The following ABCC11 variants were observed in gnomAD, a reference collection of about 807,000 sequenced individuals.
ABCC11 encodes ATP binding cassette subfamily C member 11, also known as ATP-binding cassette sub-family C member 11.
Under a neutral mutation model 149.3 loss-of-function variants are expected in ABCC11, and 135 were observed. That is an observed-to-expected ratio of 0.90 (90% CI 0.79 to 1.04). ABCC11 has a LOEUF of 1.04. Among genes scored for constraint, ABCC11 ranks in the 50% least tolerant of loss-of-function variants. ABCC11 has a pLI of 0.00. For synonymous variants in ABCC11, 665 were observed against 671.4 expected (o/e 0.99, Z 0.15); for missense variants, 1,680 against 1,722.1 (o/e 0.98, Z 0.43).
At chr16:48,209,890 T>C (rs1968773049) in intron 11 of ABCC11, 1 of 152,180 alleles carries the variant, frequency 6.6e-6, no homozygotes, top group African/African-American at 2.4e-5. Flanking sequence ...GTCTGCTGTA[T>C]GGTAGAAGGC....
chr16:48,231,684 AG>A (rs1163758922), intron 2 of ABCC11, 138 bp downstream of exon 2: 1 of 1,126,050 alleles, frequency 8.9e-7, no homozygotes, highest in African/African-American at 1.6e-5. Context: ...AAAGAGAGAG[AG>A]AGAGAGCAAA....
chr16:48,246,355 C>T (rs1194097980), intron 1 of ABCC11, among the ~76,000 whole-genome samples: 1 of 152,216 alleles, frequency 6.6e-6, no homozygotes, highest in African/African-American at 2.4e-5. Context: ...CTTCTGCTTA[C>T]TTTTCCCAAA....
At position 48,187,305 on chromosome 16, in the gene ABCC11, G is replaced by A. The variant is rs774785973; in HGVS notation, c.2829C>T (p.Val943=). The A allele has an allele frequency of 6.2e-7, 1 of 1,614,078 alleles. No individual in the cohort carries two copies. Among genetic ancestry groups the A allele is most frequent in the Non-Finnish European group, 8.5e-7 (1 of 1,180,052 alleles). ...LLPIFSEQFL[V]LSLMVIAVLL... ...GGACGGCGATCACCATTAAGGACAG[G>A]ACCAGGAACTGCTCTGAAAAGATGG... Residue 943 remains valine (V), a synonymous_variant, in exon 21 of 30, where the codon GTC becomes GTT. Coordinates refer to ENST00000356608, the MANE Select transcript of ABCC11 (RefSeq NM_001370497.1).
Position 48,210,985 on chromosome 16 carries a change from C to T in ABCC11, c.1571G>A (p.Gly524Asp), listed in dbSNP as rs752314120. ...LGPEEEGNSLGPELHKINLVV... is the reference protein window; with the variant it reads ...LGPEEEGNSLDPELHKINLVV... ...CAGGTTGATCTTGTGCAACTCTGGG[C>T]CCAGGCTGTTCCCTTCTTCCTCTGG... Residue 524 changes from glycine (G) to aspartate (D), a missense_variant, in exon 11 of 30, where the codon GGC becomes GAC. Transcript: ENST00000356608. 1 of 1,614,176 alleles carries T rather than the reference C, an allele frequency of 6.2e-7. No individual in the cohort carries two copies. The highest frequency in any genetic ancestry group is 8.5e-7 in the Non-Finnish European group (1 of 1,180,036).
intron 1 of ABCC11, among the ~76,000 whole-genome samples, chr16:48,234,809 A>G (rs895415475): frequency 1.3e-5 from 2 of 152,144 alleles, no homozygotes; most frequent in Admixed American, 6.5e-5. Flanking sequence ...CCAAAAAAGG[A>G]TTACTGTGCA....
chr16:48,182,806 T>C (rs1222780842), intron 23 of ABCC11, among the ~76,000 whole-genome samples: 1 of 147,366 alleles, frequency 6.8e-6, no homozygotes, highest in Non-Finnish European at 1.5e-5. Flanking sequence ...AAAAGGAACA[T>C]GTGGTTCGGG....
intron 24 of ABCC11, 91 bp from the exon 25 acceptor site, chr16:48,177,204 G>A: frequency 5.2e-6 from 7 of 1,337,534 alleles, no homozygotes; most frequent in Non-Finnish European, 7.1e-6. Flanking sequence ...TGTAGGGGGT[G>A]TGACCCACCC....
intron 11 of ABCC11, chr16:48,210,730 T>C (rs978896863): frequency 7.8e-5 from 51 of 651,166 alleles, no homozygotes; most frequent in Non-Finnish European, 2.0e-5. Context: ...TTTTGGGTCT[T>C]ACCTAAGCCA....
intron 12 of ABCC11, among the ~76,000 whole-genome samples, chr16:48,207,737 G>T (rs1968566482): frequency 2.0e-5 from 3 of 152,094 alleles, no homozygotes. Flanking sequence ...AAAGAAAAAA[G>T]AAACTGGAGA....
In ABCC11 at chr16:48,196,234, C is replaced by T. The variant is rs755729800; in HGVS notation, c.2402G>A (p.Gly801Glu). Residue 801 changes from glycine (G) to glutamate (E), a missense_variant and splice_region_variant, in exon 18 of 30, where the codon GGA becomes GAA. Gly to Glu is a moderately conservative substitution (Grantham distance 98). Transcript: ENST00000356608. ...CTGGGCTGGCATGGGGACCGTACCT[C>T]CAGCTGCCTGGATGTAGTGGTGGTA... is the stretch of plus-strand genomic sequence containing the variant. ...RVYHHYIQAA[G>E]GYMVSCIIFF... The T allele has an allele frequency of 8.7e-6, 14 of 1,613,992 alleles. No individual in the cohort carries two copies. The highest frequency in any genetic ancestry group is 3.3e-4 in the Middle Eastern group (2 of 6,084).
chr16:48,229,205 T>C (rs1006536608), intron 3 of ABCC11, among the ~76,000 whole-genome samples: 7 of 152,064 alleles, frequency 4.6e-5, no homozygotes, highest in Non-Finnish European at 7.4e-5. Flanking sequence ...TATGAGCCAG[T>C]GCTAATATCT....
In ABCC11 at chr16:48,175,413, C is replaced by T. The variant is rs771383964; in HGVS notation, c.3543G>A (p.Lys1181=). 1.6e-5 allele frequency: 26 copies of T among 1,607,182 alleles called. No homozygotes were observed. The highest frequency in any genetic ancestry group is 5.0e-5 in the Admixed American group (3 of 59,814). The change falls in exon 26 of 30, where the codon AAG becomes AAA. Residue 1181 remains lysine (K), a synonymous_variant. Coordinates refer to ENST00000356608, the MANE Select transcript of ABCC11 (RefSeq NM_001370497.1). ...GGAAGAGAGCCATGCCCAAGGAGGA[C>T]TTCCCTGTGGGGCAAGAAACAAGCG... ...VGIVGRTGSG[K]SSLGMALFRL...
intron 3 of ABCC11, among the ~76,000 whole-genome samples, chr16:48,229,395 A>C (rs1596840741): frequency 6.6e-6 from 1 of 152,232 alleles, no homozygotes; most frequent in South Asian, 2.1e-4. Context: ...TGATAGATAA[A>C]AATCTTAGAA....
At chr16:48,228,988 T>C (rs4785509) in intron 3 of ABCC11, among the ~76,000 whole-genome samples, 37 of 151,926 alleles carry the variant, frequency 2.4e-4, no homozygotes, top group Admixed American at 2.3e-3. Flanking sequence ...AGGAGAAAGA[T>C]GGGAAGATGA....
chr16:48,224,298 G>T lies in ABCC11; in HGVS notation c.527C>A (p.Ala176Asp). Residue 176 changes from alanine (A) to aspartate (D), a missense_variant, in exon 5 of 30, where the codon GCC (alanine) becomes GAC (aspartate). By Grantham distance (126) the Ala-to-Asp change is moderately radical. Transcript: ENST00000356608. ...GCCACTTACTGGCCCGAGTACACTGGCAATGCAGAAGCAGATGCCCAGAAG... is the reference window on the plus strand; with the variant it reads ...GCCACTTACTGGCCCGAGTACACTGTCAATGCAGAAGCAGATGCCCAGAAG... ...DALLGICFCI[A>D]SVLGPILIIP... 1.2e-6 allele frequency: 2 copies of T among 1,614,104 alleles called. No homozygotes were observed. Among genetic ancestry groups the T allele is most frequent in the South Asian group, 1.1e-5 (1 of 91,074 alleles).
chr16:48,240,365 TC>T (rs1159958471), intron 1 of ABCC11, among the ~76,000 whole-genome samples: 2 of 152,106 alleles, frequency 1.3e-5, no homozygotes, highest in Non-Finnish European at 2.9e-5. Context: ...TGAGATTACG[TC>T]CATTGCAGGG....
In ABCC11 at chr16:48,216,210, G is replaced by C. The variant is rs138005798; in HGVS notation, c.855C>G (p.Cys285Trp). The change falls in exon 7 of 30, where the codon TGC becomes TGG. Residue 285 changes from cysteine (C) to tryptophan (W), a missense_variant. Transcript: ENST00000356608. ...VCYGPLVLIT[C>W]ASLVICSISS... ...AAATGCTGCAGATGACCAGCGATGC[G>C]CAGGTGATCAGTACTAGGGGTCCAT... The C allele has an allele frequency of 5.0e-6, 8 of 1,614,062 alleles. No individual in the cohort carries two copies. The highest frequency in any genetic ancestry group is 5.9e-6 in the Non-Finnish European group (7 of 1,179,934).
chr16:48,230,330 G>T (rs1970346055), intron 3 of ABCC11, 107 bp downstream of exon 3: 7 of 1,365,112 alleles, frequency 5.1e-6, no homozygotes, highest in Non-Finnish European at 5.9e-6. Context: ...GGATTTGGCT[G>T]TGTAGGGATG....
At chr16:48,209,013 A>G (rs899508873) in intron 11 of ABCC11, among the ~76,000 whole-genome samples, 2 of 152,222 alleles carry the variant, frequency 1.3e-5, no homozygotes, top group Non-Finnish European at 2.9e-5. Context: ...GAAGACAGAG[A>G]GACTACATAA....
Sources: allele counts gnomAD v4.1 joint callset (sites outside exome capture counted in the v4.1 genomes callset), GRCh38; gene constraint gnomAD v4.1.1; transcripts MANE v1.5; gene names NCBI Gene and HGNC (gene_info 2026-07-23, HGNC 2026-07-21).